Variants in SQOR observed in about 807,000 individuals in gnomAD.
SQOR encodes the protein sulfide:quinone oxidoreductase, mitochondrial.
In SQOR, 39 loss-of-function variants were observed where a neutral mutation model predicts 48.6. That is an observed-to-expected ratio of 0.80 (90% CI 0.62 to 1.05). SQOR has a LOEUF of 1.05. SQOR is among the 50% of genes least tolerant of loss of function. The pLI is 0.00. For synonymous variants in SQOR, 220 were observed against 206.2 expected, an observed-to-expected ratio of 1.07 and a Z score of -0.57; for missense variants, 561 against 559.9, an observed-to-expected ratio of 1.00 and a Z score of -0.02.
chr15:45,690,012 A>G (rs1181090686), intron 9 of SQOR, among the ~76,000 whole-genome samples: 2 of 152,132 alleles, frequency 1.3e-5, no homozygotes, highest in East Asian at 3.9e-4. Context: ...GATAACACAT[A>G]AAGAGGCAGG....
chr15:45,646,424 C>T (rs1011018581), intron 1 of SQOR, among the ~76,000 whole-genome samples: 1 of 152,202 alleles, frequency 6.6e-6, no homozygotes, highest in Non-Finnish European at 1.5e-5. Context: ...GTGACTTCAC[C>T]TCTTGGAACT....
Position 45,682,460 on chromosome 15 carries a change from T to A in SQOR, c.865-18T>A. On this transcript the variant is annotated intron_variant, in intron 6 of 9. Coordinates refer to ENST00000260324, the MANE Select transcript of SQOR (RefSeq NM_021199.4). ...AATATTGAATAAATGAAAATGTGGA[T>A]TCTCTCTTTGTGTGTAGTATGAAAT... 1.2e-6 allele frequency: 2 copies of A among 1,612,710 alleles called. No homozygotes were observed. The highest frequency in any genetic ancestry group is 1.7e-6 in the Non-Finnish European group (2 of 1,179,024).
chr15:45,689,293 TTTC>T (rs1246284113), intron 9 of SQOR, 76 bp downstream of exon 9: 1 of 1,459,886 alleles, frequency 6.8e-7, no homozygotes, highest in Non-Finnish European at 9.4e-7. Flanking sequence ...TGCAGCCTCT[TTTC>T]TTCATTATTA....
intron 1 of SQOR, among the ~76,000 whole-genome samples, chr15:45,652,571 T>C (rs1889513674): frequency 6.6e-6 from 1 of 151,186 alleles, no homozygotes; most frequent in African/African-American, 2.4e-5. Flanking sequence ...CTGAAACTCC[T>C]GATCTTAAGT....
intron 3 of SQOR, among the ~76,000 whole-genome samples, chr15:45,669,539 T>G (rs1279051496): frequency 6.6e-6 from 1 of 152,196 alleles, no homozygotes; most frequent in Non-Finnish European, 1.5e-5. Flanking sequence ...TATGAAAAAG[T>G]GTTAATACAA....
rs763564633 is a variant in SQOR at position 45,659,106 on chromosome 15, C to T, written c.183C>T (p.Arg61=). 3 of 1,580,164 alleles carry T rather than the reference C, an allele frequency of 1.9e-6. No homozygotes were observed. Among genetic ancestry groups the T allele is most frequent in the Non-Finnish European group, 2.6e-6 (3 of 1,161,848 alleles). The change falls in exon 2 of 10, where the codon CGC becomes CGT. Residue 61 remains arginine (R), a synonymous_variant. Coordinates refer to ENST00000260324, the MANE Select transcript of SQOR (RefSeq NM_021199.4). ...GGSGGITMAA[R]MKRKVGAENV... ...GTGGCGGAATCACCATGGCTGCCCG[C>T]ATGAAGAGGAAAGTGGGTGCAGAGA... is the stretch of plus-strand genomic sequence containing the variant.
intron 1 of SQOR, among the ~76,000 whole-genome samples, chr15:45,639,517 G>C (rs1895069185): frequency 6.6e-6 from 1 of 152,236 alleles, no homozygotes; most frequent in Non-Finnish European, 1.5e-5. Flanking sequence ...CATGAATGGA[G>C]AGAAAATGGC....
intron 3 of SQOR, among the ~76,000 whole-genome samples, chr15:45,667,233 C>G (rs1464843981): frequency 6.1e-5 from 9 of 146,800 alleles, no homozygotes; most frequent in Non-Finnish European, 1.3e-4. Context: ...AACTCTTGGG[C>G]TCAAGAGTTC....
intron 7 of SQOR, among the ~76,000 whole-genome samples, chr15:45,685,767 G>A (rs1595511293): frequency 6.6e-6 from 1 of 152,268 alleles, no homozygotes; most frequent in East Asian, 1.9e-4. Flanking sequence ...CCTCAAAAAG[G>A]AACACAGTTT....
chr15:45,672,306 AGT>A (rs1480181678), intron 4 of SQOR, among the ~76,000 whole-genome samples: 9 of 152,136 alleles, frequency 5.9e-5, no homozygotes, highest in Admixed American at 4.6e-4. Context: ...AGAAGTACAT[AGT>A]GAATATCCAT....
At chr15:45,674,129 A>G (rs1655840691) in intron 5 of SQOR, 1 of 270,890 alleles carries the variant, frequency 3.7e-6, no homozygotes, top group Admixed American at 5.1e-5. Context: ...CATACTTTTT[A>G]AATGTGTGTG....
At chr15:45,638,324 G>A (rs923521080) in intron 1 of SQOR, among the ~76,000 whole-genome samples, 2 of 152,184 alleles carry the variant, frequency 1.3e-5, no homozygotes, top group East Asian at 1.9e-4. Context: ...AGAAGTGGTG[G>A]TGAGCACCTG....
chr15:45,670,680 C>T (rs1889922612), intron 4 of SQOR, among the ~76,000 whole-genome samples: 1 of 152,086 alleles, frequency 6.6e-6, no homozygotes, highest in Non-Finnish European at 1.5e-5. Flanking sequence ...GGAATGTGAC[C>T]TGGGCAAGGG....
intron 1 of SQOR, among the ~76,000 whole-genome samples, chr15:45,656,402 T>C (rs1012289593): frequency 1.3e-5 from 2 of 152,002 alleles, no homozygotes; most frequent in Non-Finnish European, 2.9e-5. Context: ...CGGGCTTGAG[T>C]GATCCTTCCA....
At chr15:45,642,520 C>G (rs897159184) in intron 1 of SQOR, among the ~76,000 whole-genome samples, 9 of 152,194 alleles carry the variant, frequency 5.9e-5, no homozygotes, top group African/African-American at 1.7e-4. Context: ...CTTTGTGACT[C>G]CTAGATCAAA....
At chr15:45,684,343 C>T (rs1164368423) in intron 7 of SQOR, among the ~76,000 whole-genome samples, 2 of 152,060 alleles carry the variant, frequency 1.3e-5, no homozygotes, top group Non-Finnish European at 2.9e-5. Flanking sequence ...TAGAGCAGGC[C>T]TTCTGACATT....
At chr15:45,670,688 G>A (rs1327521322) in intron 4 of SQOR, among the ~76,000 whole-genome samples, 1 of 152,216 alleles carries the variant, frequency 6.6e-6, no homozygotes, top group Non-Finnish European at 1.5e-5. Context: ...ACCTGGGCAA[G>A]GGCCTCAACA....
At position 45,676,177 on chromosome 15, in the gene SQOR, A is replaced by C. The variant is rs773667770; in HGVS notation, c.731A>C (p.Asp244Ala). The C allele has an allele frequency of 1.9e-6, 3 of 1,614,202 alleles. No individual in the cohort carries two copies. The highest frequency in any genetic ancestry group is 2.5e-6 in the Non-Finnish European group (3 of 1,180,034). ...ATTTTCGGGGTTAAGAAGTATGCAG[A>C]TGCCCTGCAGGAGATCATCCAGGAG... ...GAIFGVKKYA[D>A]ALQEIIQERN... Residue 244 changes from aspartate (D) to alanine (A), a missense_variant, in exon 6 of 10, where the codon GAT becomes GCT. Asp to Ala is a moderately radical substitution (Grantham distance 126, BLOSUM62 -2). Transcript: ENST00000260324.
At chr15:45,660,570 CA>C (rs1248103357) in intron 2 of SQOR, among the ~76,000 whole-genome samples, 7 of 152,202 alleles carry the variant, frequency 4.6e-5, no homozygotes, top group African/African-American at 1.7e-4. Context: ...AAGTACAGGA[CA>C]GGAATTTCTG....
Sources: allele counts gnomAD v4.1 joint callset (sites outside exome capture counted in the v4.1 genomes callset), GRCh38; gene constraint gnomAD v4.1.1; transcripts MANE v1.5; gene names NCBI Gene and HGNC (gene_info 2026-07-23, HGNC 2026-07-21).